Variants in RAI1 observed in about 807,000 individuals in gnomAD.
RAI1 encodes the protein retinoic acid induced 1.
Under a neutral mutation model 123.8 loss-of-function variants are expected in RAI1, and 9 were observed. That is an observed-to-expected ratio of 0.07 (90% CI 0.04 to 0.13). The LOEUF is 0.13. Among genes scored for constraint, RAI1 ranks in the 10% least tolerant of loss-of-function variants. RAI1 has a pLI of 1.00. For synonymous variants in RAI1, 1,231 were observed against 1,127.3 expected, an observed-to-expected ratio of 1.09 and a Z score of -1.84; for missense variants, 2,256 against 2,545.8, an observed-to-expected ratio of 0.89 and a Z score of 2.45.
At chr17:17,692,271 G>C (rs1914865596) in intron 1 of RAI1, among the ~76,000 whole-genome samples, 1 of 152,216 alleles carries the variant, frequency 6.6e-6, no homozygotes, top group East Asian at 1.9e-4. Flanking sequence ...GGGTTGGGAA[G>C]GTGGGGGGTT....
intron 2 of RAI1, among the ~76,000 whole-genome samples, chr17:17,785,271 C>A (rs1287948674): frequency 2.0e-5 from 3 of 152,230 alleles, no homozygotes. Context: ...CCAGGCCCCT[C>A]ATCCTCAAAC....
chr17:17,750,084 C>G (rs1376846229), intron 2 of RAI1, among the ~76,000 whole-genome samples: 3 of 152,336 alleles, frequency 2.0e-5, no homozygotes, highest in East Asian at 1.9e-4. Flanking sequence ...AGGGTCCACC[C>G]TGGAAGGAGA....
At chr17:17,695,732 G>T (rs1267110836) in intron 1 of RAI1, among the ~76,000 whole-genome samples, 1 of 152,120 alleles carries the variant, frequency 6.6e-6, no homozygotes, top group East Asian at 1.9e-4. Context: ...TCGTTGGCCA[G>T]GCTGGTTCCA....
chr17:17,696,342 A>T (rs894575596), intron 1 of RAI1, among the ~76,000 whole-genome samples: 4 of 151,646 alleles, frequency 2.6e-5, no homozygotes, highest in Non-Finnish European at 5.9e-5. Flanking sequence ...ATGACAAATT[A>T]AAAAAAAATT....
At chr17:17,770,020 G>A (rs916873778) in intron 2 of RAI1, among the ~76,000 whole-genome samples, 2 of 152,202 alleles carry the variant, frequency 1.3e-5, no homozygotes, top group Non-Finnish European at 2.9e-5. Context: ...CAGGGTGACA[G>A]GGCTTTGCTG....
intron 2 of RAI1, among the ~76,000 whole-genome samples, chr17:17,727,495 G>A (rs924912666): frequency 2.0e-5 from 3 of 152,192 alleles, no homozygotes; most frequent in Non-Finnish European, 4.4e-5. Context: ...CAGGCTTCTC[G>A]GCCCTCCTGG....
At chr17:17,751,514 A>G (rs982271248) in intron 2 of RAI1, among the ~76,000 whole-genome samples, 8 of 152,228 alleles carry the variant, frequency 5.3e-5, no homozygotes, top group Non-Finnish European at 8.8e-5. Context: ...GGTAGCAAAA[A>G]AAGAAGGAAG....
At chr17:17,699,650 A>G (rs1263994083) in intron 1 of RAI1, among the ~76,000 whole-genome samples, 1 of 151,220 alleles carries the variant, frequency 6.6e-6, no homozygotes, top group Non-Finnish European at 1.5e-5. Flanking sequence ...GAATCAAATG[A>G]ATTGCCAGTG....
rs562330307 is a variant in RAI1, at chr17:17,730,878, G to A, written c.-17+6719G>A. Among the ~76,000 whole-genome samples the A allele has an allele frequency of 4.6e-5, 7 of 152,344 alleles. No individual in the cohort carries two copies. The South Asian group carries it at 1.4e-3, about 32-fold the overall frequency. ...GGAGAGGCAGAGAAGCTTTGCCGGTGTCACTCTTCTGTGGGTGTCCCAGCC... is the reference window on the plus strand; with the variant it reads ...GGAGAGGCAGAGAAGCTTTGCCGGTATCACTCTTCTGTGGGTGTCCCAGCC... On this transcript the variant is annotated intron_variant, in intron 2 of 5. Coordinates refer to ENST00000353383, the MANE Select transcript of RAI1 (RefSeq NM_030665.4).
chr17:17,708,946 A>G (rs1482311579), intron 1 of RAI1, among the ~76,000 whole-genome samples: 1 of 152,226 alleles, frequency 6.6e-6, no homozygotes, highest in East Asian at 1.9e-4. Context: ...TCCAGGCACA[A>G]AGGGAACAGT....
rs545339066 is a variant in RAI1 at position 17,761,666 on chromosome 17, G to T, written c.-16-31267G>T. Among the ~76,000 whole-genome samples, 185 of 152,300 alleles carry T rather than the reference G, an allele frequency of 1.2e-3. 1 individual carries two copies. The highest frequency in any genetic ancestry group is 4.2e-3 in the African/African-American group (175 of 41,580). ...GTGGAAAGGTTGGGAGGCACAAAAG[G>T]TTGGGAGACTCCCAGAGGGTGCCAG... On this transcript the variant is annotated intron_variant, in intron 2 of 5. Transcript: ENST00000353383.
At chr17:17,686,608 T>TGTGC (rs1491248703) in intron 1 of RAI1, among the ~76,000 whole-genome samples, 7 of 137,764 alleles carry the variant, frequency 5.1e-5, no homozygotes, top group African/African-American at 8.3e-5. Context: ...TGTGTGTGTG[T>TGTGC]GCACGCGCGC....
chr17:17,769,514 T>G (rs928237973), intron 2 of RAI1, among the ~76,000 whole-genome samples: 5 of 152,186 alleles, frequency 3.3e-5, no homozygotes, highest in Non-Finnish European at 5.9e-5. Flanking sequence ...GGCGTCATAA[T>G]GAAGGAGCGA....
chr17:17,711,650 T>G (rs1915570675), intron 1 of RAI1, among the ~76,000 whole-genome samples: 1 of 152,222 alleles, frequency 6.6e-6, no homozygotes, highest in African/African-American at 2.4e-5. Context: ...GGATGAAGTT[T>G]CACGTAAAGG....
chr17:17,778,788 T>G (rs991621158), intron 2 of RAI1: 13 of 456,556 alleles, frequency 2.8e-5, no homozygotes, highest in Non-Finnish European at 5.7e-5. Context: ...AACACAGCAG[T>G]TCTGGGGCCA....
chr17:17,702,219 T>G (rs1326439919), intron 1 of RAI1, among the ~76,000 whole-genome samples: 1 of 152,138 alleles, frequency 6.6e-6, no homozygotes, highest in Non-Finnish European at 1.5e-5. Context: ...CTCCAAAGTG[T>G]GGAGGCATGA....
At chr17:17,786,813 C>G (rs1438851440) in intron 2 of RAI1, among the ~76,000 whole-genome samples, 3 of 152,232 alleles carry the variant, frequency 2.0e-5, no homozygotes, top group Admixed American at 6.5e-5. Context: ...GTGGCTCACG[C>G]CTGTAATCCC....
chr17:17,793,900 G>A lies in RAI1; in HGVS notation c.952G>A (p.Gly318Ser). 1.2e-6 allele frequency: 2 copies of A among 1,613,854 alleles called. No individual in the cohort carries two copies. Among genetic ancestry groups the A allele is most frequent in the Non-Finnish European group, 1.7e-6 (2 of 1,180,038 alleles). ...LAKYQHYGQQ[G>S]QGYCQPDAAV... Reference sequence around the variant, plus strand: ...CAAGTATCAGCACTACGGGCAGCAAGGCCAGGGCTACTGCCAGCCGGACGC... The same window carrying A: ...CAAGTATCAGCACTACGGGCAGCAAAGCCAGGGCTACTGCCAGCCGGACGC... The change falls in exon 3 of 6, where the codon GGC becomes AGC. Residue 318 changes from glycine (G) to serine (S), a missense_variant. This residue lies in a region of RAI1 where 357 missense variants were observed against 480.2 expected (regional missense o/e 0.74). Coordinates refer to ENST00000353383, the MANE Select transcript of RAI1 (RefSeq NM_030665.4).
In RAI1 at chr17:17,797,558, G is replaced by A. The variant is rs371162534; in HGVS notation, c.4610G>A (p.Arg1537Gln). Residue 1537 changes from arginine to glutamine, a missense_variant, in exon 3 of 6, where the codon CGG becomes CAG. Arg to Gln is a conservative substitution (Grantham distance 43, BLOSUM62 1). Coordinates refer to ENST00000353383, the MANE Select transcript of RAI1 (RefSeq NM_030665.4). Reference protein sequence around the residue: ...GHTNYSSYSKRKRLTRGRAKN... With the variant: ...GHTNYSSYSKQKRLTRGRAKN... ...ACCAACTACAGCAGCTATTCCAAGC[G>A]GAAGCGCCTCACTCGGGGCCGGGCC... The A allele has an allele frequency of 2.4e-5, 38 of 1,613,978 alleles. No homozygotes were observed. In the Admixed American group the frequency reaches 4.2e-4, roughly 18 times the overall value.
Sources: allele counts gnomAD v4.1 joint callset (sites outside exome capture counted in the v4.1 genomes callset), GRCh38; gene constraint gnomAD v4.1.1; regional missense constraint gnomAD v4.1.1; transcripts MANE v1.5; gene names NCBI Gene and HGNC (gene_info 2026-07-23, HGNC 2026-07-21).